The following EYA3 variants were observed in gnomAD, a reference collection of about 807,000 sequenced individuals.
EYA3 encodes EYA transcriptional coactivator and phosphatase 3, also known as protein phosphatase EYA3.
A neutral mutation model predicts 80.0 loss-of-function variants in EYA3; 39 were observed. That is an observed-to-expected ratio of 0.49 (90% CI 0.38 to 0.64). The LOEUF is 0.64. Among genes scored for constraint, EYA3 ranks in the 30% least tolerant of loss-of-function variants. The pLI is 0.00. For missense variants in EYA3, 523 were observed against 676.1 expected, an observed-to-expected ratio of 0.77 and a Z score of 2.51; for synonymous variants, 206 against 232.8, an observed-to-expected ratio of 0.88 and a Z score of 1.05.
chr1:28,076,082 A>C (rs1226191738), intron 1 of EYA3, among the ~76,000 whole-genome samples: 1 of 152,188 alleles, frequency 6.6e-6, no homozygotes, highest in African/African-American at 2.4e-5. Flanking sequence ...GCAACAGCAC[A>C]AATCACATTT....
At chr1:28,023,310 T>C (rs1642572857) in intron 7 of EYA3, among the ~76,000 whole-genome samples, 1 of 152,138 alleles carries the variant, frequency 6.6e-6, no homozygotes, top group Non-Finnish European at 1.5e-5. Flanking sequence ...CCAAATACAT[T>C]ATGTAGATAT....
intron 5 of EYA3, among the ~76,000 whole-genome samples, chr1:28,036,110 C>T (rs775740333): frequency 1.3e-4 from 20 of 152,292 alleles, no homozygotes; most frequent in Non-Finnish European, 2.4e-4. Flanking sequence ...CCACTGCGCC[C>T]GGCCTAAAAT....
chr1:27,985,060 A>G (rs1426590836), intron 16 of EYA3, among the ~76,000 whole-genome samples: 1 of 150,758 alleles, frequency 6.6e-6, no homozygotes, highest in Non-Finnish European at 1.5e-5. Flanking sequence ...CATGTATCTA[A>G]AAACAATCTT....
At chr1:28,068,949 G>A (rs1247460252) in intron 1 of EYA3, among the ~76,000 whole-genome samples, 1 of 151,854 alleles carries the variant, frequency 6.6e-6, no homozygotes, top group Non-Finnish European at 1.5e-5. Flanking sequence ...TGGGACTACA[G>A]GTGTCCACCA....
chr1:28,004,457 A>ATTGTAATTGGAAAAT, intron 10 of EYA3, 38 bp from the exon 11 acceptor site: 1 of 1,472,064 alleles, frequency 6.8e-7, no homozygotes, highest in Non-Finnish European at 9.5e-7. Flanking sequence ...TATATTTTCC[A>ATTGTAATTGGAAAAT]ATTACAATGG....
intron 16 of EYA3, among the ~76,000 whole-genome samples, chr1:27,984,861 C>A (rs1639544771): frequency 2.0e-5 from 3 of 151,978 alleles, no homozygotes; most frequent in African/African-American, 7.3e-5. Flanking sequence ...TGTATAGTTC[C>A]CTTCTCCAAC....
chr1:28,029,593 C>CT (rs1226877063), intron 6 of EYA3, among the ~76,000 whole-genome samples: 9,362 of 135,972 alleles, frequency 0.069, 550 homozygotes, highest in East Asian at 0.25. Context: ...AAAGAAAATC[C>CT]TTTTTTTTTT....
chr1:28,063,916 G>C (rs913258801), intron 1 of EYA3, among the ~76,000 whole-genome samples: 41 of 152,058 alleles, frequency 2.7e-4, no homozygotes, highest in South Asian at 6.2e-4. Flanking sequence ...TCCAACTTTG[G>C]GGGGGAAGGT....
At chr1:28,005,780 G>GCA (rs1325982887) in intron 10 of EYA3, among the ~76,000 whole-genome samples, 1 of 151,826 alleles carries the variant, frequency 6.6e-6, no homozygotes, top group Non-Finnish European at 1.5e-5. Context: ...ACAAAATAGA[G>GCA]GTAAACCAAA....
At chr1:28,016,451 C>G (rs1054203703) in intron 8 of EYA3, among the ~76,000 whole-genome samples, 2 of 150,600 alleles carry the variant, frequency 1.3e-5, no homozygotes, top group African/African-American at 4.9e-5. Flanking sequence ...ATCACTTGAA[C>G]CTGAGAGGCA....
At chr1:28,015,443 G>A (rs1641984457) in intron 8 of EYA3, among the ~76,000 whole-genome samples, 1 of 152,074 alleles carries the variant, frequency 6.6e-6, no homozygotes, top group African/African-American at 2.4e-5. Context: ...GAAGGAGAAT[G>A]GCGTGAACCC....
At chr1:28,075,389 A>T (rs1645164990) in intron 1 of EYA3, among the ~76,000 whole-genome samples, 1 of 152,216 alleles carries the variant, frequency 6.6e-6, no homozygotes, top group Non-Finnish European at 1.5e-5. Flanking sequence ...AACTGTTTTC[A>T]ATAAACACTG....
At chr1:28,003,955 A>G (rs1003792941) in intron 11 of EYA3, among the ~76,000 whole-genome samples, 9 of 152,216 alleles carry the variant, frequency 5.9e-5, no homozygotes, top group African/African-American at 2.2e-4. Flanking sequence ...ATTTGGCTAA[A>G]TAAAATGCTC....
chr1:27,991,860 C>A (rs1451469996), intron 14 of EYA3, among the ~76,000 whole-genome samples: 2 of 152,002 alleles, frequency 1.3e-5, no homozygotes, highest in Non-Finnish European at 1.5e-5. Flanking sequence ...CAGGTCCAGG[C>A]ATTGGGCAGG....
At chr1:28,015,453 C>T (rs763143428) in intron 8 of EYA3, among the ~76,000 whole-genome samples, 6 of 152,084 alleles carry the variant, frequency 3.9e-5, no homozygotes, top group Non-Finnish European at 8.8e-5. Context: ...GGCGTGAACC[C>T]GGGAGGCGGA....
chr1:28,062,190 G>C (rs576360459), intron 1 of EYA3, among the ~76,000 whole-genome samples: 1 of 152,034 alleles, frequency 6.6e-6, no homozygotes, highest in Non-Finnish European at 1.5e-5. Flanking sequence ...AAATACACTT[G>C]TTTTATCACC....
intron 12 of EYA3, among the ~76,000 whole-genome samples, chr1:27,998,791 C>CAA (rs1383837219): frequency 6.6e-6 from 1 of 151,896 alleles, no homozygotes; most frequent in Non-Finnish European, 1.5e-5. Context: ...ATTTTAAAGA[C>CAA]AGAGTCTCTC....
intron 1 of EYA3, among the ~76,000 whole-genome samples, chr1:28,086,408 C>G (rs1003270953): frequency 2.6e-5 from 4 of 152,080 alleles, no homozygotes; most frequent in Non-Finnish European, 5.9e-5. Flanking sequence ...AGGTTGGTCT[C>G]GAACTCCTGG....
At chr1:27,990,962 A>G (rs1313350938) in intron 14 of EYA3, among the ~76,000 whole-genome samples, 1 of 151,992 alleles carries the variant, frequency 6.6e-6, no homozygotes, top group Non-Finnish European at 1.5e-5. Flanking sequence ...GCAAAGATAA[A>G]TTTTTAGAAA....
Sources: gnomAD v4.1 joint callset for allele counts (sites outside exome capture counted in the v4.1 genomes callset) on GRCh38, gnomAD v4.1.1 for gene constraint, MANE v1.5 for transcripts, NCBI Gene and HGNC (gene_info 2026-07-23, HGNC 2026-07-21) for gene names.